Variants in ARHGAP28 observed in about 807,000 individuals in gnomAD.
The protein encoded by ARHGAP28 is Rho GTPase activating protein 28, also known as rho GTPase-activating protein 28.
ARHGAP28 carries 56 observed loss-of-function variants against 90.7 expected under a neutral mutation model. The observed-to-expected ratio is 0.62, with a 90% CI of 0.50 to 0.77. ARHGAP28 has a LOEUF of 0.77. Among genes scored for constraint, ARHGAP28 ranks in the 30% least tolerant of loss-of-function variants. The pLI, the probability that ARHGAP28 is intolerant of heterozygous loss-of-function variation, is 0.00. For missense variants in ARHGAP28, 869 were observed against 900.9 expected (o/e 0.96, Z 0.45); for synonymous variants, 308 against 323.3 (o/e 0.95, Z 0.51).
Position 6,729,904 on chromosome 18 carries a change from G to C in ARHGAP28, c.83G>C (p.Arg28Pro), listed in dbSNP as rs1331465772. 7.0e-7 allele frequency: 1 copy of C among 1,419,416 alleles called. No individual in the cohort carries two copies. The highest frequency in any genetic ancestry group is 9.2e-7 in the Non-Finnish European group (1 of 1,089,092). The allele number at this position is 1,419,416 out of a possible 1,614,324, so 87.9% of individuals were successfully genotyped here. Residue 28 changes from arginine (R) to proline (P), a missense_variant, in exon 1 of 18, where the codon CGC becomes CCC. Arg to Pro is a moderately radical substitution (Grantham distance 103). Coordinates refer to ENST00000383472, the MANE Select transcript of ARHGAP28 (RefSeq NM_001366230.1). Reference protein sequence around the residue: ...ARAQPPNAESRCAPRAAASHP... With the variant: ...ARAQPPNAESPCAPRAAASHP... ...GCCCAGCCCCCCAACGCCGAGTCGC[G>C]CTGCGCGCCCCGCGCCGCAGCCAGC...
At chr18:6,885,353 A>C (rs913070134) in intron 11 of ARHGAP28, among the ~76,000 whole-genome samples, 1 of 152,170 alleles carries the variant, frequency 6.6e-6, no homozygotes, top group Non-Finnish European at 1.5e-5. Flanking sequence ...GATTCTCTGA[A>C]GGGGAGGATT....
intron 6 of ARHGAP28, 149 bp from the exon 7 acceptor site, chr18:6,870,440 TC>T: frequency 1.4e-6 from 1 of 724,952 alleles, no homozygotes; most frequent in Non-Finnish European, 2.3e-6. Context: ...ACTGAACTCC[TC>T]GGGGTGAGTC....
rs1462673130 is a variant in ARHGAP28 at position 6,848,008 on chromosome 18, C to A, written c.544-3026C>A. Among the ~76,000 whole-genome samples, 3 of 152,068 alleles carry A rather than the reference C, an allele frequency of 2.0e-5. No homozygotes were observed. The East Asian group carries it at 5.8e-4, about 29-fold the overall frequency. ...AGGAAAGTTCATTTAAGCCAAGGAG[C>A]CCCAGGTTTTTATTGGGGGTTGATC... On this transcript the variant is annotated intron_variant, in intron 3 of 17. Coordinates refer to ENST00000383472, the MANE Select transcript of ARHGAP28 (RefSeq NM_001366230.1).
rs546352349 is a variant in ARHGAP28 at position 6,785,814 on chromosome 18, A to G, written c.123-38948A>G. ...ACTTAGTTTTCCAGTGGCTAATACC[A>G]TACGGTGATAGTGCATGAAATTAGT... On this transcript the variant is annotated intron_variant, in intron 1 of 17. Coordinates refer to ENST00000383472, the MANE Select transcript of ARHGAP28 (RefSeq NM_001366230.1). Among the ~76,000 whole-genome samples, 14 of 152,358 alleles carry G rather than the reference A, an allele frequency of 9.2e-5. No individual in the cohort carries two copies. In the East Asian group the frequency reaches 1.5e-3, roughly 17 times the overall value.
At chr18:6,882,057 A>T (rs556999002) in intron 10 of ARHGAP28, 80 bp from the exon 11 acceptor site, 7 of 1,384,386 alleles carry the variant, frequency 5.1e-6, no homozygotes, top group Non-Finnish European at 6.9e-6. Flanking sequence ...AACAGTTTAT[A>T]TAAGAACAGT....
intron 12 of ARHGAP28, among the ~76,000 whole-genome samples, chr18:6,887,582 C>T (rs565707323): frequency 6.6e-6 from 1 of 152,232 alleles, no homozygotes; most frequent in South Asian, 2.1e-4. Context: ...AGGTATGTGC[C>T]ACCACACCCA....
At chr18:6,841,304 G>A (rs2056825754) in intron 3 of ARHGAP28, among the ~76,000 whole-genome samples, 1 of 128,376 alleles carries the variant, frequency 7.8e-6, no homozygotes, top group South Asian at 2.6e-4. Context: ...TTCTTTCTTT[G>A]GCATCATTTA....
rs1749548973 is a variant in ARHGAP28, at chr18:6,889,873, G to A, written c.1537-15G>A. 1.2e-6 allele frequency: 2 copies of A among 1,612,490 alleles called. No individual in the cohort carries two copies. Among genetic ancestry groups the A allele is most frequent in the Non-Finnish European group, 8.5e-7 (1 of 1,179,300 alleles). On this transcript the variant is annotated splice_polypyrimidine_tract_variant and intron_variant, in intron 12 of 17. Transcript: ENST00000383472. ...ACAGTGTACAATTGTATGACACAAT[G>A]CTGTTTCTTCTTAGGCCCTCATGAC...
At chr18:6,851,222 G>A (rs1046444736) in intron 4 of ARHGAP28, 96 bp downstream of exon 4, 1 of 1,088,376 alleles carries the variant, frequency 9.2e-7, no homozygotes, top group African/African-American at 1.6e-5. Flanking sequence ...ACATAATTAA[G>A]ATGGCTGGAC....
intron 1 of ARHGAP28, among the ~76,000 whole-genome samples, chr18:6,763,678 C>T (rs2056179428): frequency 6.6e-6 from 1 of 152,188 alleles, no homozygotes; most frequent in African/African-American, 2.4e-5. Context: ...CAGTGTCCAG[C>T]ACAGTGTGTG....
chr18:6,840,489 A>G (rs928700300), intron 3 of ARHGAP28, among the ~76,000 whole-genome samples: 1 of 152,162 alleles, frequency 6.6e-6, no homozygotes. Context: ...CATTTAGACC[A>G]CGAAGGGAAA....
At chr18:6,804,503 C>G (rs1309445583) in intron 1 of ARHGAP28, among the ~76,000 whole-genome samples, 1 of 151,528 alleles carries the variant, frequency 6.6e-6, no homozygotes, top group Non-Finnish European at 1.5e-5. Context: ...CTATTTTTCT[C>G]TTTTAAGATC....
At chr18:6,749,333 G>A (rs1310566155) in intron 1 of ARHGAP28, among the ~76,000 whole-genome samples, 1 of 152,140 alleles carries the variant, frequency 6.6e-6, no homozygotes, top group Admixed American at 6.5e-5. Context: ...ATATTCCTTG[G>A]TAGTATTGTT....
chr18:6,798,440 C>T (rs906167849), intron 1 of ARHGAP28, among the ~76,000 whole-genome samples: 24 of 152,100 alleles, frequency 1.6e-4, no homozygotes, highest in African/African-American at 2.4e-4. Context: ...GTGATCTGCC[C>T]GCCTCGGCCT....
intron 3 of ARHGAP28, among the ~76,000 whole-genome samples, chr18:6,838,592 C>T (rs2056771986): frequency 6.6e-6 from 1 of 152,156 alleles, no homozygotes; most frequent in Non-Finnish European, 1.5e-5. Context: ...ATATGACTAC[C>T]AACACTTTAA....
At chr18:6,783,371 A>G (rs1440354630) in intron 1 of ARHGAP28, among the ~76,000 whole-genome samples, 5 of 150,016 alleles carry the variant, frequency 3.3e-5, no homozygotes, top group African/African-American at 9.9e-5. Flanking sequence ...GCGCGATCTC[A>G]GCTCACTGCA....
chr18:6,881,992 C>T lies in ARHGAP28; in HGVS notation c.1291-145C>T, dbSNP rs536762227. On this transcript the variant is annotated intron_variant, in intron 10 of 17. Coordinates refer to ENST00000383472, the MANE Select transcript of ARHGAP28 (RefSeq NM_001366230.1). ...TCCTCACATAGCTATTTGCCTTAATCATGTTGAAAAAAAATTACTCTTGGT... is the reference window on the plus strand; with the variant it reads ...TCCTCACATAGCTATTTGCCTTAATTATGTTGAAAAAAAATTACTCTTGGT... The T allele has an allele frequency of 4.8e-5, 29 of 603,218 alleles. No individual in the cohort carries two copies. In the South Asian group the frequency reaches 7.0e-4, roughly 15 times the overall value. The allele number at this position is 603,218 out of a possible 1,614,324, so 37.4% of individuals were successfully genotyped here.
intron 1 of ARHGAP28, among the ~76,000 whole-genome samples, chr18:6,755,654 A>G (rs1331109442): frequency 1.3e-5 from 2 of 152,210 alleles, no homozygotes; most frequent in Non-Finnish European, 2.9e-5. Flanking sequence ...AAATGAGACA[A>G]TTTTGAGAGT....
chr18:6,787,833 T>C (rs2056377691), intron 1 of ARHGAP28, among the ~76,000 whole-genome samples: 1 of 152,168 alleles, frequency 6.6e-6, no homozygotes, highest in Admixed American at 6.5e-5. Context: ...AATGTAAAAG[T>C]TTAATTCCAA....
Sources: gnomAD v4.1 joint callset for allele counts (sites outside exome capture counted in the v4.1 genomes callset) on GRCh38, gnomAD v4.1.1 for gene constraint, MANE v1.5 for transcripts, NCBI Gene and HGNC (gene_info 2026-07-23, HGNC 2026-07-21) for gene names.